RBFOX1: variants seen among roughly 807,000 people sequenced by gnomAD.
RBFOX1 encodes the protein RNA binding fox-1 homolog 1.
Under a neutral mutation model 57.7 loss-of-function variants are expected in RBFOX1, and 8 were observed. That is an observed-to-expected ratio of 0.14 (90% confidence interval 0.08 to 0.25). The LOEUF (loss-of-function observed/expected upper bound fraction) is 0.25. RBFOX1 is among the 10% of genes least tolerant of loss of function. The pLI, the probability that RBFOX1 is intolerant of heterozygous loss-of-function variation, is 1.00. For synonymous variants in RBFOX1, 326 were observed against 222.4 expected (o/e 1.47, Z -4.15); for missense variants, 611 against 548.5 (o/e 1.11, Z -1.14).
At chr16:5,675,282 G>A (rs758911869) in intron 3 of RBFOX1, among the ~76,000 whole-genome samples, 1 of 152,068 alleles carries the variant, frequency 6.6e-6, no homozygotes, top group Non-Finnish European at 1.5e-5. Context: ...CACATTTTTG[G>A]GTTGTAAGGA....
intron 1 of RBFOX1, among the ~76,000 whole-genome samples, chr16:6,156,582 A>G (rs1217677093): frequency 6.6e-6 from 1 of 152,110 alleles, no homozygotes; most frequent in Non-Finnish European, 1.5e-5. Flanking sequence ...TCCAACATGT[A>G]ACAGTGAGAC....
intron 4 of RBFOX1, among the ~76,000 whole-genome samples, chr16:5,948,357 G>A (rs1475712792): frequency 5.3e-5 from 8 of 152,194 alleles, no homozygotes; most frequent in African/African-American, 9.6e-5. Context: ...CTTCTCCTCC[G>A]TGGCTGTGGT....
chr16:7,117,204 T>G (rs1473638378), intron 4 of RBFOX1, among the ~76,000 whole-genome samples: 1 of 152,168 alleles, frequency 6.6e-6, no homozygotes, highest in East Asian at 1.9e-4. Context: ...CTAAGCATTT[T>G]GGGCTTTGTA....
chr16:7,399,115 C>T (rs117659437), intron 4 of RBFOX1, among the ~76,000 whole-genome samples: 2,045 of 152,266 alleles, frequency 0.013, 22 homozygotes, highest in Non-Finnish European at 0.02. Flanking sequence ...TGCACTTGTA[C>T]CCCCGAATCC....
intron 4 of RBFOX1, among the ~76,000 whole-genome samples, chr16:5,941,728 C>G (rs534624633): frequency 1.9e-4 from 29 of 151,770 alleles, no homozygotes; most frequent in African/African-American, 6.8e-4. Flanking sequence ...TTTTTCCATA[C>G]AGAGGTTGAA....
intron 4 of RBFOX1, among the ~76,000 whole-genome samples, chr16:7,171,575 T>A (rs917044950): frequency 2.0e-5 from 3 of 152,180 alleles, no homozygotes; most frequent in African/African-American, 7.2e-5. Context: ...GTGTTTAGAA[T>A]GTAATTTTCT....
intron 2 of RBFOX1, among the ~76,000 whole-genome samples, chr16:6,544,610 T>C (rs2153836682): frequency 6.6e-6 from 1 of 152,330 alleles, no homozygotes; most frequent in South Asian, 2.1e-4. Flanking sequence ...ATTAACTTCA[T>C]GGGTGCATAT....
intron 2 of RBFOX1, among the ~76,000 whole-genome samples, chr16:6,450,762 T>C (rs1291828912): frequency 8.1e-4 from 34 of 42,120 alleles, no homozygotes; most frequent in South Asian, 2.7e-3. Flanking sequence ...TACATATATA[T>C]ATGTGTATAT....
At chr16:5,379,848 C>T (rs2066085307) in intron 1 of RBFOX1, among the ~76,000 whole-genome samples, 1 of 152,168 alleles carries the variant, frequency 6.6e-6, no homozygotes, top group African/African-American at 2.4e-5. Context: ...GTACCCAAGT[C>T]ATTAAACATC....
chr16:5,898,433 C>G (rs2058219954), intron 4 of RBFOX1, among the ~76,000 whole-genome samples: 1 of 152,088 alleles, frequency 6.6e-6, no homozygotes, highest in Non-Finnish European at 1.5e-5. Context: ...ACGTATCAGA[C>G]CTCTGATTCA....
At chr16:6,224,438 C>T (rs972588066) in intron 1 of RBFOX1, among the ~76,000 whole-genome samples, 7 of 151,968 alleles carry the variant, frequency 4.6e-5, no homozygotes, top group East Asian at 1.9e-4. Context: ...AGCTGGATTC[C>T]TAAGTATTTT....
chr16:6,671,969 T>C (rs2098768093), intron 3 of RBFOX1, among the ~76,000 whole-genome samples: 1 of 152,190 alleles, frequency 6.6e-6, no homozygotes, highest in Admixed American at 6.5e-5. Context: ...GAAATAACAA[T>C]ATCGAACAGC....
intron 12 of RBFOX1, among the ~76,000 whole-genome samples, chr16:7,664,010 G>C (rs2068508227): frequency 6.6e-6 from 1 of 152,228 alleles, no homozygotes; most frequent in East Asian, 1.9e-4. Context: ...TCACTACATG[G>C]GTGGCAATCA....
chr16:5,589,388 G>T (rs2046934317), intron 2 of RBFOX1, among the ~76,000 whole-genome samples: 1 of 152,182 alleles, frequency 6.6e-6, no homozygotes, highest in Non-Finnish European at 1.5e-5. Context: ...CAAGTCACTT[G>T]CCCTCTCTGA....
rs1416069063 is a variant in RBFOX1 at position 7,708,972 on chromosome 16, T to G, written c.996-84T>G. ...GAAGATGAGTAGGGCCCCTGCATAC[T>G]GTCTTGGTATTTTGGATTTTATGAT... On this transcript the variant is annotated intron_variant, in intron 14 of 15. Transcript: ENST00000550418. 3 of 1,310,326 alleles carry G rather than the reference T, an allele frequency of 2.3e-6. No homozygotes were observed. The African/African-American group carries it at 4.4e-5, about 19-fold the overall frequency. 81.2% of individuals were successfully genotyped at this position (1,310,326 alleles called of 1,614,324 possible).
At chr16:5,940,105 A>G (rs979417424) in intron 4 of RBFOX1, among the ~76,000 whole-genome samples, 6 of 152,120 alleles carry the variant, frequency 3.9e-5, no homozygotes, top group African/African-American at 9.7e-5. Context: ...CTGAAGGCTC[A>G]CCCCGTATTC....
chr16:6,514,006 C>T (rs959487117), intron 2 of RBFOX1, among the ~76,000 whole-genome samples: 1 of 152,136 alleles, frequency 6.6e-6, no homozygotes, highest in East Asian at 1.9e-4. Context: ...TTGCAAATGG[C>T]GCATGTCCAC....
At chr16:7,371,897 T>G (rs530146085) in intron 4 of RBFOX1, among the ~76,000 whole-genome samples, 3 of 151,960 alleles carry the variant, frequency 2.0e-5, no homozygotes, top group African/African-American at 7.2e-5. Flanking sequence ...TGATATGCCA[T>G]GGAGCCTCCT....
intron 4 of RBFOX1, among the ~76,000 whole-genome samples, chr16:5,905,591 C>A (rs1303549268): frequency 6.6e-6 from 1 of 152,086 alleles, no homozygotes; most frequent in African/African-American, 2.4e-5. Context: ...TACACATCTG[C>A]CGTCATGGCT....
Sources: allele counts gnomAD v4.1 joint callset (sites outside exome capture counted in the v4.1 genomes callset), GRCh38; gene constraint gnomAD v4.1.1; transcripts MANE v1.5; gene names NCBI Gene and HGNC (gene_info 2026-07-23, HGNC 2026-07-21).